Variants in GIPC1 observed in about 807,000 individuals in gnomAD.
GIPC1 encodes GIPC PDZ domain containing family member 1, also known as PDZ domain-containing protein GIPC1.
Under a neutral mutation model 28.5 loss-of-function variants are expected in GIPC1, and 15 were observed. That is an observed-to-expected ratio of 0.53 (90% CI 0.35 to 0.81). The LOEUF (loss-of-function observed/expected upper bound fraction) is 0.81, where lower values mean the gene tolerates loss of function less well. GIPC1 is among the 30% of genes least tolerant of loss of function. GIPC1 has a pLI of 0.01. For synonymous variants in GIPC1, 224 were observed against 206.1 expected, an observed-to-expected ratio of 1.09 and a Z score of -0.74; for missense variants, 439 against 481.9, an observed-to-expected ratio of 0.91 and a Z score of 0.83.
chr19:14,488,747 T>C (rs1243564247), intron 3 of GIPC1, among the ~76,000 whole-genome samples: 5 of 146,310 alleles, frequency 3.4e-5, no homozygotes, highest in African/African-American at 1.3e-4. Flanking sequence ...CACTCCAGCC[T>C]GGGCGACAGA....
In GIPC1 at chr19:14,478,857, T is replaced by C. The variant is rs180765600; in HGVS notation, c.769-92A>G. On this transcript the variant is annotated intron_variant, in intron 7 of 8. Coordinates refer to ENST00000393033, the MANE Select transcript of GIPC1 (RefSeq NM_005716.4). The surrounding 1 kb of genome is among the most constrained non-coding windows in gnomAD (Gnocchi z 5.2). ...TGCCATTGTCACCACTTTACATATA[T>C]TCGTATTTAGACCTCAGGACAACCC... 7.0e-3 allele frequency: 6,827 copies of C among 979,326 alleles called. 465 individuals carry two copies. In the Admixed American group the frequency reaches 0.11, roughly 16 times the overall value. 60.7% of individuals were successfully genotyped at this position (979,326 alleles called of 1,614,324 possible).
At position 14,478,473 on chromosome 19, in the gene GIPC1, G is replaced by A. The variant is rs780986403; in HGVS notation, c.945C>T (p.Asp315=). 3.7e-6 allele frequency: 6 copies of A among 1,613,390 alleles called. No homozygotes were observed. The highest frequency in any genetic ancestry group is 2.2e-5 in the South Asian group (2 of 91,030). ...CGCCCCAGACGTCAAAGACGAACTC[G>A]TCAGGGAAGGCAAAGTCACCCAGCC... ...DERLGDFAFP[D]EFVFDVWGAI... is the part of the protein sequence containing the mutation. The change falls in exon 9 of 9, where the codon GAC becomes GAT. Residue 315 remains aspartate, a synonymous_variant. Transcript: ENST00000393033. The surrounding 1 kb of genome is among the most constrained non-coding windows in gnomAD (Gnocchi z 5.2).
chr19:14,478,654 T>C lies in GIPC1; in HGVS notation c.850+30A>G, dbSNP rs2071656559. ...GGATTCGGCCCCCAGCAGACCTAGATGCCCCCTCCCCCAGGCAGCCCTCAC... is the reference window on the plus strand; with the variant it reads ...GGATTCGGCCCCCAGCAGACCTAGACGCCCCCTCCCCCAGGCAGCCCTCAC... On this transcript the variant is annotated intron_variant, in intron 8 of 8. Coordinates refer to ENST00000393033, the MANE Select transcript of GIPC1 (RefSeq NM_005716.4). This position sits in a 1 kb window ranked among gnomAD's most constrained non-coding sequence, Gnocchi z 5.2. 1 of 1,611,588 alleles carries C rather than the reference T, an allele frequency of 6.2e-7. No individual in the cohort carries two copies. The highest frequency in any genetic ancestry group is 1.7e-5 in the Admixed American group (1 of 59,996).
rs571639498 is a variant in GIPC1 at position 14,480,257 on chromosome 19, G to A, written c.655+48C>T. 20 of 1,524,198 alleles carry A rather than the reference G, an allele frequency of 1.3e-5. 1 individual carries two copies. The South Asian group carries it at 2.1e-4, about 16-fold the overall frequency. 94.4% of individuals were successfully genotyped at this position (1,524,198 alleles called of 1,614,324 possible). ...GGCCGCTCCCGGCACCACCGCCTGC[G>A]CCCATGCGAGCAGCGCCACTGGGGA... On this transcript the variant is annotated intron_variant, in intron 6 of 8. Transcript: ENST00000393033.
At chr19:14,489,816 C>G (rs1282888762) in intron 3 of GIPC1, among the ~76,000 whole-genome samples, 1 of 151,148 alleles carries the variant, frequency 6.6e-6, no homozygotes, top group African/African-American at 2.4e-5. Context: ...ATGAATTTTC[C>G]TGGTTGACAT....
In GIPC1 at chr19:14,496,041, T is replaced by TCCG. The variant is rs71166735; in HGVS notation, c.-182_-180dup. ...CTTCTCGCAGAGGCCACTCACCTGC[T>TCCG]CCGCCGCCGCCGCCGCCGCCGCCGC... On this transcript the variant is annotated 5_prime_UTR_variant, in exon 1 of 9. Transcript: ENST00000393033. The TCCG allele has an allele frequency of 0.22, 49,734 of 225,620 alleles. 5,158 individuals carry two copies. Among genetic ancestry groups the TCCG allele is most frequent in the East Asian group, 0.28 (2,287 of 8,174 alleles). The allele number at this position is 225,620 out of a possible 1,614,324, so 14.0% of individuals were successfully genotyped here. A position where few individuals can be genotyped will look rare whatever the true frequency, so the allele number is the denominator to read the frequency against.
chr19:14,485,186 TAA>T (rs2071808535), intron 3 of GIPC1, among the ~76,000 whole-genome samples: 1 of 150,940 alleles, frequency 6.6e-6, no homozygotes, highest in Non-Finnish European at 1.5e-5. Context: ...AATAAATAAA[TAA>T]AAGAGTCAGG....
At position 14,478,435 on chromosome 19, in the gene GIPC1, G is replaced by T; in HGVS notation, c.983C>A (p.Ala328Asp). ...VFDVWGAIGD[A>D]KVGRY is the part of the protein sequence containing the mutation. ...GCAGTCCTAGTAGCGGCCGACCTTG[G>T]CGTCCCCAATGGCGCCCCAGACGTC... is the stretch of plus-strand genomic sequence containing the variant. Residue 328 changes from alanine to aspartate, a missense_variant, in exon 9 of 9, where the codon GCC becomes GAC. Coordinates refer to ENST00000393033, the MANE Select transcript of GIPC1 (RefSeq NM_005716.4). This position sits in a 1 kb window ranked among gnomAD's most constrained non-coding sequence, Gnocchi z 5.2. 6.2e-7 allele frequency: 1 copy of T among 1,610,654 alleles called. No individual in the cohort carries two copies. The highest frequency in any genetic ancestry group is 8.5e-7 in the Non-Finnish European group (1 of 1,178,758).
intron 3 of GIPC1, among the ~76,000 whole-genome samples, chr19:14,490,495 T>C (rs905970619): frequency 2.1e-5 from 3 of 144,906 alleles, no homozygotes; most frequent in Non-Finnish European, 3.0e-5. Flanking sequence ...CTGACCAACA[T>C]GGAGAAACCC....
At chr19:14,495,870 A>G (rs975131096) in intron 1 of GIPC1, among the ~76,000 whole-genome samples, 167 bp downstream of exon 1, 1 of 54,246 alleles carries the variant, frequency 1.8e-5, no homozygotes, top group Admixed American at 1.8e-4. Flanking sequence ...ACCACCCCCC[A>G]CCCCCGCTTC....
In GIPC1 at chr19:14,482,902, T is replaced by A; in HGVS notation, c.75A>T (p.Gly25=). 6.2e-7 allele frequency: 1 copy of A among 1,602,298 alleles called. No homozygotes were observed. Among genetic ancestry groups the A allele is most frequent in the Non-Finnish European group, 8.5e-7 (1 of 1,175,158 alleles). Residue 25 remains glycine, a synonymous_variant, in exon 4 of 9, where the codon GGA becomes GGT. Coordinates refer to ENST00000393033, the MANE Select transcript of GIPC1 (RefSeq NM_005716.4). ...GCCCTGGCTCCCCCACGCCCAGCCCTCCACGGCCTGGCTCAGCCTCCTCAT... is the reference window on the plus strand; with the variant it reads ...GCCCTGGCTCCCCCACGCCCAGCCCACCACGGCCTGGCTCAGCCTCCTCAT... ...VENEEAEPGR[G]GLGVGEPGPL...
At chr19:14,490,328 T>C (rs1193237402) in intron 3 of GIPC1, among the ~76,000 whole-genome samples, 3 of 150,626 alleles carry the variant, frequency 2.0e-5, no homozygotes, top group Non-Finnish European at 2.9e-5. Context: ...ACCGTGCCAT[T>C]GCACTCCAGC....
Position 14,479,423 on chromosome 19 carries a change from C to T in GIPC1, c.757G>A (p.Val253Met), listed in dbSNP as rs764030632. 1 of 1,398,170 alleles carries T rather than the reference C, an allele frequency of 7.2e-7. No individual in the cohort carries two copies. Among genetic ancestry groups the T allele is most frequent in the South Asian group, 1.6e-5 (1 of 63,742 alleles). 86.6% of individuals were successfully genotyped at this position (1,398,170 alleles called of 1,614,324 possible). A position where few individuals can be genotyped will look rare whatever the true frequency, so the allele number is the denominator to read the frequency against. ...GCTGGAGCACTCACCAGATCCTCCACCGTGGCGGGGCCCCGGGATCGGAGC... is the reference window on the plus strand; with the variant it reads ...GCTGGAGCACTCACCAGATCCTCCATCGTGGCGGGGCCCCGGGATCGGAGC... ...LRLRSRGPATVEDLPSAFEEK... is the reference protein window; with the variant it reads ...LRLRSRGPATMEDLPSAFEEK... The change falls in exon 7 of 9, where the codon GTG (valine) becomes ATG (methionine). Residue 253 changes from valine to methionine, a missense_variant. Val to Met is a conservative substitution (Grantham distance 21). Coordinates refer to ENST00000393033, the MANE Select transcript of GIPC1 (RefSeq NM_005716.4).
At chr19:14,482,421 A>G in intron 4 of GIPC1, 3 of 561,724 alleles carry the variant, frequency 5.3e-6, no homozygotes. Flanking sequence ...AGCTCCCACA[A>G]TCCACTGGGG....
Position 14,478,560 on chromosome 19 carries a change from G to C in GIPC1, c.858C>G (p.Thr286=). 6.2e-7 allele frequency: 1 copy of C among 1,614,016 alleles called. No homozygotes were observed. The highest frequency in any genetic ancestry group is 8.5e-7 in the Non-Finnish European group (1 of 1,179,968). Residue 286 remains threonine (T), a synonymous_variant, in exon 9 of 9, where the codon ACC becomes ACG. Transcript: ENST00000393033. This position sits in a 1 kb window ranked among gnomAD's most constrained non-coding sequence, Gnocchi z 5.2. ...TTTTGTCCTTTCCCAGCTCCACCAT[G>C]GTGGCCGCTATTGGGGGAGGGGTCA... ...MGIRDTELAA[T]MVELGKDKRN...
intron 4 of GIPC1, chr19:14,482,436 G>C: frequency 1.7e-6 from 1 of 580,766 alleles, no homozygotes; most frequent in Non-Finnish European, 3.1e-6. Context: ...CTGGGGCACA[G>C]GTCTCCCAGT....
At chr19:14,479,865 G>C (rs1197294681) in intron 6 of GIPC1, 1 of 369,668 alleles carries the variant, frequency 2.7e-6, no homozygotes, top group African/African-American at 2.1e-5. Context: ...CTTGGCCAAG[G>C]GGGTATGGCT....
chr19:14,479,383 C>T (rs373495581), intron 7 of GIPC1, 29 bp downstream of exon 7: 6 of 922,922 alleles, frequency 6.5e-6, no homozygotes, highest in Middle Eastern at 3.5e-4. Flanking sequence ...GAAGGGATGC[C>T]GGAGATAGGG....
chr19:14,485,698 TATATAGAGAGAGAGAGAG>T (rs374244811), intron 3 of GIPC1, among the ~76,000 whole-genome samples: 12,656 of 85,062 alleles, frequency 0.15, 816 homozygotes, highest in South Asian at 0.27. Flanking sequence ...TATATATATA[TATATAGAGAGAGAGAGAG>T]AGAGAGAGAG....
Sources: allele counts gnomAD v4.1 joint callset (sites outside exome capture counted in the v4.1 genomes callset), GRCh38; gene constraint gnomAD v4.1.1; non-coding constraint Gnocchi (gnomAD v3.1); transcripts MANE v1.5; gene names NCBI Gene and HGNC (gene_info 2026-07-23, HGNC 2026-07-21).